The following CCDC88B variants were observed in gnomAD, a reference collection of about 807,000 sequenced individuals.
The protein encoded by CCDC88B is coiled-coil domain-containing protein 88B.
In CCDC88B, 138 loss-of-function variants were observed where a neutral mutation model predicts 183.7. The observed-to-expected ratio is 0.75, with a 90% CI of 0.65 to 0.87. The LOEUF (loss-of-function observed/expected upper bound fraction) is 0.87, where lower values mean the gene tolerates loss of function less well. Ranked by LOEUF, CCDC88B falls within the 40% of genes least tolerant of loss-of-function variation. CCDC88B has a pLI of 0.00. For missense variants in CCDC88B, 1,822 were observed against 1,965.6 expected, an observed-to-expected ratio of 0.93 and a Z score of 1.38; for synonymous variants, 835 against 867.5, an observed-to-expected ratio of 0.96 and a Z score of 0.66.
intron 10 of CCDC88B, among the ~76,000 whole-genome samples, 184 bp from the exon 11 acceptor site, chr11:64,342,995 G>A (rs2035945297): frequency 6.6e-6 from 1 of 150,814 alleles, no homozygotes; most frequent in African/African-American, 2.4e-5. Context: ...GAGGGAGAAA[G>A]TACCTGAAGA....
rs1228072174 is a variant in CCDC88B at position 64,353,395 on chromosome 11, G to C, written c.3732G>C (p.Gln1244His). The change falls in exon 22 of 27, where the codon CAG (glutamine) becomes CAC (histidine). Residue 1244 changes from glutamine to histidine, a missense_variant. Transcript: ENST00000356786. The part of the protein sequence containing the change: ...LRSAQEEENR[Q>H]LLAEVQALSR... Reference sequence around the variant, plus strand: ...GTGCCCAGGAAGAGGAGAACCGGCAGCTGCTGGCTGAAGTTCAGGCCCTGA... The same window carrying C: ...GTGCCCAGGAAGAGGAGAACCGGCACCTGCTGGCTGAAGTTCAGGCCCTGA... The C allele has an allele frequency of 1.2e-6, 2 of 1,613,458 alleles. No homozygotes were observed. The highest frequency in any genetic ancestry group is 1.7e-6 in the Non-Finnish European group (2 of 1,179,996).
intron 14 of CCDC88B, among the ~76,000 whole-genome samples, chr11:64,346,730 G>A (rs1193421649): frequency 6.6e-6 from 1 of 151,732 alleles, no homozygotes; most frequent in East Asian, 1.9e-4. Flanking sequence ...GTGAGCCACC[G>A]CGCCCGGCCA....
At position 64,343,292 on chromosome 11, in the gene CCDC88B, G is replaced by T; in HGVS notation, c.1176G>T (p.Leu392=). 6.5e-7 allele frequency: 1 copy of T among 1,550,258 alleles called. No individual in the cohort carries two copies. Among genetic ancestry groups the T allele is most frequent in the African/African-American group, 1.4e-5 (1 of 73,168 alleles). Reference sequence around the variant, plus strand: ...TGCACGAGACCCAGCGCGAGAACCTGCTGCTGCGAACCCGGCTGGGCGAGG... The same window carrying T: ...TGCACGAGACCCAGCGCGAGAACCTTCTGCTGCGAACCCGGCTGGGCGAGG... The part of the protein sequence containing the change: ...ARLHETQREN[L]LLRTRLGEAH... Residue 392 remains leucine, a synonymous_variant, in exon 11 of 27, where the codon CTG becomes CTT. Transcript: ENST00000356786.
rs375322359 is a variant in CCDC88B, at chr11:64,345,065, G to A, written c.2524G>A (p.Ala842Thr). 6.4e-5 allele frequency: 99 copies of A among 1,549,912 alleles called. No individual in the cohort carries two copies. The highest frequency in any genetic ancestry group is 7.8e-5 in the Non-Finnish European group (90 of 1,150,142). Residue 842 changes from alanine to threonine, a missense_variant, in exon 14 of 27, where the codon GCC becomes ACC. By Grantham distance (58) the Ala-to-Thr change is moderately conservative. Coordinates refer to ENST00000356786, the MANE Select transcript of CCDC88B (RefSeq NM_032251.6). ...CAGGCTGCGGGCCCAGTCGGAGGCC[G>A]CCGAGGAACGGATGCAGGTGCTGGA... ...GSRLRAQSEA[A>T]EERMQVLESE...
chr11:64,344,555 C>T lies in CCDC88B; in HGVS notation c.2014C>T (p.Leu672=). Residue 672 remains leucine (L), a synonymous_variant, in exon 14 of 27, where the codon CTG becomes TTG. Coordinates refer to ENST00000356786, the MANE Select transcript of CCDC88B (RefSeq NM_032251.6). The surrounding 1 kb of genome is among the most constrained non-coding windows in gnomAD (Gnocchi z 4.5). Reference sequence around the variant, plus strand: ...GGAGGGCCCAAACCAGGGCCTGGACCTGGCCACGGGACAAGCAGAGGCCAG... The same window carrying T: ...GGAGGGCCCAAACCAGGGCCTGGACTTGGCCACGGGACAAGCAGAGGCCAG... ...EQEGPNQGLD[L]ATGQAEAREH... The T allele has an allele frequency of 6.2e-7, 1 of 1,605,344 alleles. No homozygotes were observed. The highest frequency in any genetic ancestry group is 1.7e-5 in the Admixed American group (1 of 58,034).
Position 64,341,785 on chromosome 11 carries a change from G to T in CCDC88B, c.675+43G>T, listed in dbSNP as rs375914174. ...ATCGTGGACTCAGGTTGGGGAACTG[G>T]AGGACCATCAGGGAGCCGGTTGTGC... On this transcript the variant is annotated intron_variant, in intron 7 of 26. Coordinates refer to ENST00000356786, the MANE Select transcript of CCDC88B (RefSeq NM_032251.6). 4.8e-5 allele frequency: 74 copies of T among 1,539,986 alleles called. No individual in the cohort carries two copies. In the African/African-American group the frequency reaches 9.6e-4, roughly 20 times the overall value.
chr11:64,357,091 G>C lies in CCDC88B; in HGVS notation c.4428G>C (p.Gln1476His). 6.2e-7 allele frequency: 1 copy of C among 1,613,034 alleles called. No individual in the cohort carries two copies. The highest frequency in any genetic ancestry group is 8.5e-7 in the Non-Finnish European group (1 of 1,179,370). The part of the protein sequence containing the change: ...EKRPLTPSLS[Q>H] ...GTCCCCTCACCCCATCCCTCAGCCAGTGACACCGTGGGAACAGCAGGCTTG... is the reference window on the plus strand; with the variant it reads ...GTCCCCTCACCCCATCCCTCAGCCACTGACACCGTGGGAACAGCAGGCTTG... The change falls in exon 27 of 27, where the codon CAG becomes CAC. Residue 1476 changes from glutamine (Q) to histidine (H), a missense_variant. Physicochemically the swap from Gln to His is conservative, Grantham distance 24. Transcript: ENST00000356786.
At position 64,351,171 on chromosome 11, in the gene CCDC88B, C is replaced by A; in HGVS notation, c.2874C>A (p.Gly958=). The A allele has an allele frequency of 6.7e-7, 1 of 1,484,790 alleles. No individual in the cohort carries two copies. Among genetic ancestry groups the A allele is most frequent in the Non-Finnish European group, 8.9e-7 (1 of 1,120,482 alleles). 92.0% of individuals were successfully genotyped at this position (1,484,790 alleles called of 1,614,324 possible). A position where few individuals can be genotyped will look rare whatever the true frequency, so the allele number is the denominator to read the frequency against. ...GACTCTCCTTGCAGCTGCGCCAGGG[C>A]CCCGCGGGGCTGGGGCCCAAAAAGC... ...LEEELFQLRQ[G]PAGLGPKKRA... The change falls in exon 17 of 27, where the codon GGC becomes GGA. Residue 958 remains glycine (G), a synonymous_variant. Coordinates refer to ENST00000356786, the MANE Select transcript of CCDC88B (RefSeq NM_032251.6).
At chr11:64,343,105 A>C in intron 10 of CCDC88B, 74 bp from the exon 11 acceptor site, 5 of 1,437,570 alleles carry the variant, frequency 3.5e-6, no homozygotes, top group Non-Finnish European at 4.6e-6. Context: ...GCTGAGGGGA[A>C]GGAGTTTGGG....
At chr11:64,354,688 T>C (rs1340558027) in intron 24 of CCDC88B, among the ~76,000 whole-genome samples, 22 of 11,156 alleles carry the variant, frequency 2.0e-3, no homozygotes, top group Non-Finnish European at 3.4e-3. Flanking sequence ...TGCATGAGCC[T>C]CCGCCCCCCC....
In CCDC88B at chr11:64,355,291, G is replaced by A. The variant is rs779554640; in HGVS notation, c.4197G>A (p.Arg1399=). The A allele has an allele frequency of 3.1e-5, 50 of 1,591,608 alleles. No homozygotes were observed. Among genetic ancestry groups the A allele is most frequent in the Non-Finnish European group, 6.0e-6 (7 of 1,169,842 alleles). Residue 1399 remains arginine, a synonymous_variant, in exon 25 of 27, where the codon AGG becomes AGA. Transcript: ENST00000356786. ...GGCAGCGGCGGAAACTCAGCTCAAG[G>A]TTCCCGGTGGGGCGAAGCTCTGAGT... ...AGGQRRKLSS[R]FPVGRSSESF... is the part of the protein sequence containing the mutation.
intron 14 of CCDC88B, 57 bp downstream of exon 14, chr11:64,345,214 G>A: frequency 2.0e-6 from 3 of 1,510,304 alleles, no homozygotes; most frequent in Non-Finnish European, 1.8e-6. Flanking sequence ...AGGCTGTTGG[G>A]AGTTACTGAT....
At chr11:64,343,083 G>C in intron 10 of CCDC88B, 96 bp from the exon 11 acceptor site, 5 of 1,378,244 alleles carry the variant, frequency 3.6e-6, no homozygotes, top group Non-Finnish European at 4.8e-6. Flanking sequence ...AGGGAGGCAG[G>C]GTCTGTGACA....
At chr11:64,351,073 C>A in intron 16 of CCDC88B, 87 bp from the exon 17 acceptor site, 2 of 917,658 alleles carry the variant, frequency 2.2e-6, no homozygotes, top group Non-Finnish European at 3.1e-6. Context: ...ATGCTGCTGG[C>A]AGGGCAGGTC....
chr11:64,347,092 C>G (rs1405939527), intron 14 of CCDC88B, among the ~76,000 whole-genome samples: 1 of 152,238 alleles, frequency 6.6e-6, no homozygotes, highest in Non-Finnish European at 1.5e-5. Context: ...CCGCACCTGG[C>G]CAACACACTT....
chr11:64,355,183 A>G lies in CCDC88B; in HGVS notation c.4100-11A>G, dbSNP rs2036505197. 6.9e-7 allele frequency: 1 copy of G among 1,443,320 alleles called. No individual in the cohort carries two copies. 89.4% of individuals were successfully genotyped at this position (1,443,320 alleles called of 1,614,324 possible). On this transcript the variant is annotated splice_polypyrimidine_tract_variant and intron_variant, in intron 24 of 26. Coordinates refer to ENST00000356786, the MANE Select transcript of CCDC88B (RefSeq NM_032251.6). ...CTCCTCTCACCCCCTCCCTGCATGT[A>G]CCTCTTGCAGGGTCCCCTTCCCCGG...
intron 26 of CCDC88B, chr11:64,356,552 G>A (rs2036551599): frequency 6.3e-6 from 1 of 157,714 alleles, no homozygotes; most frequent in Non-Finnish European, 1.4e-5. Context: ...CAGCGTTGGT[G>A]ACAGAGTGAG....
At chr11:64,347,934 C>T (rs2036176171) in intron 14 of CCDC88B, among the ~76,000 whole-genome samples, 1 of 151,672 alleles carries the variant, frequency 6.6e-6, no homozygotes, top group South Asian at 2.1e-4. Context: ...CCTGTAATCC[C>T]AGCTACTCGG....
At chr11:64,343,959 C>G in intron 13 of CCDC88B, 38 bp from the exon 14 acceptor site, 1 of 1,563,472 alleles carries the variant, frequency 6.4e-7, no homozygotes, top group South Asian at 1.2e-5. Context: ...TCCCCTAGTC[C>G]CTCCCTGGGC....
Sources: gnomAD v4.1 joint callset for allele counts (sites outside exome capture counted in the v4.1 genomes callset) on GRCh38, gnomAD v4.1.1 for gene constraint, Gnocchi (gnomAD v3.1) non-coding constraint, MANE v1.5 for transcripts, NCBI Gene and HGNC (gene_info 2026-07-23, HGNC 2026-07-21) for gene names.